FOXP1: variants seen among roughly 807,000 people sequenced by gnomAD.
FOXP1 encodes the protein forkhead box protein P1.
A neutral mutation model predicts 98.2 loss-of-function variants in FOXP1; 15 were observed. The observed-to-expected ratio is 0.15, with a 90% CI of 0.10 to 0.24. The LOEUF is 0.24. FOXP1 is among the 10% of genes least tolerant of loss of function. FOXP1 has a pLI of 1.00. For synonymous variants in FOXP1, 371 were observed against 314.5 expected, an observed-to-expected ratio of 1.18 and a Z score of -1.90; for missense variants, 633 against 848.5, an observed-to-expected ratio of 0.75 and a Z score of 3.15.
chr3:71,245,544 A>G (rs530563060), intron 5 of FOXP1, among the ~76,000 whole-genome samples: 6 of 152,312 alleles, frequency 3.9e-5, no homozygotes, highest in African/African-American at 9.6e-5. Context: ...TTGCAGAGAT[A>G]CAAGCCTTCT....
At chr3:71,466,968 T>C (rs746747355) in intron 3 of FOXP1, among the ~76,000 whole-genome samples, 7 of 152,202 alleles carry the variant, frequency 4.6e-5, no homozygotes, top group Non-Finnish European at 1.0e-4. Flanking sequence ...AAACTCATGT[T>C]ACTGCAGGAG....
intron 6 of FOXP1, among the ~76,000 whole-genome samples, chr3:71,120,166 C>A (rs2058658647): frequency 6.6e-6 from 1 of 152,168 alleles, no homozygotes; most frequent in Non-Finnish European, 1.5e-5. Context: ...TCACAGACAG[C>A]CTTTAACAGT....
intron 5 of FOXP1, among the ~76,000 whole-genome samples, chr3:71,291,181 G>A (rs1358999810): frequency 6.6e-6 from 1 of 152,112 alleles, no homozygotes; most frequent in Non-Finnish European, 1.5e-5. Context: ...CTTGGTGGCT[G>A]TGCTGTCCAC....
intron 2 of FOXP1, among the ~76,000 whole-genome samples, chr3:71,579,632 C>CTTTTTTTTTTTTTTTTT (rs35646548): frequency 1.9e-3 from 238 of 122,896 alleles, no homozygotes; most frequent in Non-Finnish European, 2.5e-3. Context: ...TTTCTTTTTT[C>CTTTTTTTTTTTTTTTTT]TTTTTTTTTT....
intron 5 of FOXP1, among the ~76,000 whole-genome samples, chr3:71,256,696 T>C (rs2068655274): frequency 6.6e-6 from 1 of 152,156 alleles, no homozygotes; most frequent in Non-Finnish European, 1.5e-5. Flanking sequence ...ACTTCAATGT[T>C]CTTTTAAGGA....
intron 5 of FOXP1, among the ~76,000 whole-genome samples, chr3:71,207,247 C>CTT (rs11425660): frequency 2.1e-3 from 306 of 149,034 alleles, no homozygotes; most frequent in South Asian, 0.017. Context: ...TCAGAAAAGT[C>CTT]TTTTTTTTTT....
chr3:71,045,748 G>C (rs888533030), intron 10 of FOXP1, among the ~76,000 whole-genome samples: 5 of 152,150 alleles, frequency 3.3e-5, no homozygotes, highest in African/African-American at 1.2e-4. Context: ...GTTGGGTGTG[G>C]TGGACTCAAG....
chr3:71,411,278 CGTGTGTGTGTGTGTGTGTGTGTGT>C (rs58267668), intron 3 of FOXP1, among the ~76,000 whole-genome samples: 1 of 141,684 alleles, frequency 7.1e-6, no homozygotes, highest in Non-Finnish European at 1.5e-5. Flanking sequence ...GCTGAATGGG[CGTGTGTGTGTGTGTGTGTGTGTGT>C]GTGTGTGTGT....
At chr3:71,527,577 A>G (rs1414196381) in intron 2 of FOXP1, among the ~76,000 whole-genome samples, 3 of 152,238 alleles carry the variant, frequency 2.0e-5, no homozygotes, top group African/African-American at 7.2e-5. Flanking sequence ...CCTAGCTTCA[A>G]GTCCAACTCC....
intron 18 of FOXP1, 47 bp downstream of exon 18, chr3:70,972,508 T>C (rs2107193958): frequency 6.2e-7 from 1 of 1,613,564 alleles, no homozygotes. Context: ...TTATACTTGT[T>C]AGCACAATCC....
intron 4 of FOXP1, among the ~76,000 whole-genome samples, chr3:71,311,921 CA>C (rs1394417657): frequency 6.6e-6 from 1 of 152,198 alleles, no homozygotes; most frequent in Non-Finnish European, 1.5e-5. Context: ...CTCCCTTCTA[CA>C]CTCAACTATG....
intron 6 of FOXP1, among the ~76,000 whole-genome samples, chr3:71,117,877 A>T (rs1398163034): frequency 1.3e-5 from 2 of 152,188 alleles, no homozygotes; most frequent in Non-Finnish European, 2.9e-5. Flanking sequence ...AGGATGTCAC[A>T]GAGTGGAGGT....
chr3:71,550,935 T>C (rs926846318), intron 2 of FOXP1, among the ~76,000 whole-genome samples: 4 of 152,230 alleles, frequency 2.6e-5, no homozygotes, highest in Admixed American at 6.5e-5. Context: ...AAGCCGCCAT[T>C]GTTGCCAGGG....
intron 6 of FOXP1, among the ~76,000 whole-genome samples, chr3:71,154,096 C>CT (rs142389444): frequency 0.19 from 28,267 of 150,010 alleles, 3,203 homozygotes; most frequent in East Asian, 0.44. Flanking sequence ...TCTTCTTCTT[C>CT]TTTTTTTTTG....
At chr3:71,415,954 T>C (rs532965156) in intron 3 of FOXP1, among the ~76,000 whole-genome samples, 42 of 152,260 alleles carry the variant, frequency 2.8e-4, no homozygotes, top group African/African-American at 9.4e-4. Context: ...CTCAAGATAA[T>C]AGAAATCTGG....
At chr3:71,174,786 AC>A in intron 6 of FOXP1, among the ~76,000 whole-genome samples, 1 of 36,834 alleles carries the variant, frequency 2.7e-5, no homozygotes, top group South Asian at 7.2e-4. Context: ...GCACATGCAT[AC>A]ACACACACAC....
At chr3:71,264,724 G>A (rs1054998245) in intron 5 of FOXP1, among the ~76,000 whole-genome samples, 1 of 152,166 alleles carries the variant, frequency 6.6e-6, no homozygotes, top group Non-Finnish European at 1.5e-5. Context: ...TCACCCTGTA[G>A]TTCAGCTGGA....
intron 3 of FOXP1, among the ~76,000 whole-genome samples, chr3:71,403,805 C>A (rs929057421): frequency 6.6e-6 from 1 of 152,080 alleles, no homozygotes; most frequent in Non-Finnish European, 1.5e-5. Context: ...GAGCCAAGAT[C>A]GCACCACTGC....
At chr3:71,164,084 T>C (rs1271103057) in intron 6 of FOXP1, among the ~76,000 whole-genome samples, 1 of 152,194 alleles carries the variant, frequency 6.6e-6, no homozygotes, top group Non-Finnish European at 1.5e-5. Flanking sequence ...GAAACAGAGT[T>C]GGTTCCAAAG....
Sources: allele counts gnomAD v4.1 joint callset (sites outside exome capture counted in the v4.1 genomes callset), GRCh38; gene constraint gnomAD v4.1.1; transcripts MANE v1.5; gene names NCBI Gene and HGNC (gene_info 2026-07-23, HGNC 2026-07-21).